The following CNTN3 variants were observed in gnomAD, a reference collection of about 807,000 sequenced individuals.
CNTN3 encodes contactin-3.
A neutral mutation model predicts 119.1 loss-of-function variants in CNTN3; 60 were observed. That is an observed-to-expected ratio of 0.50 (90% CI 0.41 to 0.62). CNTN3 has a LOEUF of 0.62. CNTN3 is among the 20% of genes least tolerant of loss of function. CNTN3 has a pLI of 0.00. For missense variants in CNTN3, 1,101 were observed against 1,242.4 expected, an observed-to-expected ratio of 0.89 and a Z score of 1.71; for synonymous variants, 450 against 438.7, an observed-to-expected ratio of 1.03 and a Z score of -0.32.
intron 1 of CNTN3, among the ~76,000 whole-genome samples, chr3:74,606,678 A>ATGGCAC (rs1412342348): frequency 6.6e-6 from 1 of 152,178 alleles, no homozygotes; most frequent in Admixed American, 6.5e-5. Context: ...ACAGACAATT[A>ATGGCAC]TGGCACTATC....
intron 5 of CNTN3, among the ~76,000 whole-genome samples, chr3:74,374,958 C>T (rs1471183498): frequency 6.6e-6 from 1 of 152,028 alleles, no homozygotes; most frequent in Non-Finnish European, 1.5e-5. Context: ...TAAAACTGTC[C>T]AGAAAATACA....
chr3:74,292,781 T>A (rs913347760), intron 19 of CNTN3, among the ~76,000 whole-genome samples: 5 of 152,182 alleles, frequency 3.3e-5, no homozygotes, highest in Admixed American at 3.3e-4. Flanking sequence ...GGGACTGGCC[T>A]CAGAGCCACA....
chr3:74,532,791 A>G (rs1001931954), intron 1 of CNTN3, among the ~76,000 whole-genome samples: 7 of 152,016 alleles, frequency 4.6e-5, no homozygotes, highest in Non-Finnish European at 1.0e-4. Flanking sequence ...GGTAACTGAA[A>G]CCACAGAAAA....
chr3:74,475,005 C>T (rs1420849378), intron 4 of CNTN3, among the ~76,000 whole-genome samples: 1 of 152,154 alleles, frequency 6.6e-6, no homozygotes, highest in African/African-American at 2.4e-5. Flanking sequence ...ATGCCAGCAT[C>T]ATACTTCCTG....
At position 74,416,943 on chromosome 3, in the gene CNTN3, G is replaced by A. The variant is rs550516577; in HGVS notation, c.454+7902C>T. Among the ~76,000 whole-genome samples, 6 of 151,612 alleles carry A rather than the reference G, an allele frequency of 4.0e-5. No individual in the cohort carries two copies. The South Asian group carries it at 1.3e-3, about 32-fold the overall frequency. Reference sequence around the variant, plus strand: ...GTGGAGGTTGCAGTGAGCCAAGATTGTGCCACTGCACTCCAGCCTGGGTGA... The same window carrying A: ...GTGGAGGTTGCAGTGAGCCAAGATTATGCCACTGCACTCCAGCCTGGGTGA... On this transcript the variant is annotated intron_variant, in intron 5 of 22. Coordinates refer to ENST00000263665, the MANE Select transcript of CNTN3 (RefSeq NM_020872.3).
rs146983383 is a variant in CNTN3 at position 74,541,492 on chromosome 3, ATAGAG to A, written c.-80-20305_-80-20301del. On this transcript the variant is annotated intron_variant, in intron 1 of 22. Coordinates refer to ENST00000263665, the MANE Select transcript of CNTN3 (RefSeq NM_020872.3). ...AATTGAAAAAGTACACTGCAGAAGA[ATAGAG>A]TATATTATTTATATAAAATACAAAA... is the stretch of plus-strand genomic sequence containing the variant. Among the ~76,000 whole-genome samples, 735 of 152,304 alleles carry A rather than the reference ATAGAG, an allele frequency of 4.8e-3. 5 individuals are homozygous for A. The highest frequency in any genetic ancestry group is 0.017 in the African/African-American group (700 of 41,554).
chr3:74,547,353 T>C (rs1448614505), intron 1 of CNTN3, among the ~76,000 whole-genome samples: 1 of 152,210 alleles, frequency 6.6e-6, no homozygotes, highest in Non-Finnish European at 1.5e-5. Flanking sequence ...TTTTCCAATG[T>C]TTCGATAGCC....
At chr3:74,567,415 C>A (rs1170935540) in intron 1 of CNTN3, among the ~76,000 whole-genome samples, 1 of 148,758 alleles carries the variant, frequency 6.7e-6, no homozygotes, top group East Asian at 2.0e-4. Flanking sequence ...CCACCTTGGG[C>A]TCCCAAAGTG....
intron 5 of CNTN3, among the ~76,000 whole-genome samples, chr3:74,389,724 C>T (rs2106826141): frequency 2.0e-5 from 3 of 152,204 alleles, no homozygotes; most frequent in Admixed American, 2.0e-4. Flanking sequence ...AGGGTCTGAA[C>T]CCAGCGTAAT....
intron 1 of CNTN3, among the ~76,000 whole-genome samples, chr3:74,562,600 T>C (rs1317888142): frequency 6.6e-6 from 1 of 152,156 alleles, no homozygotes; most frequent in African/African-American, 2.4e-5. Flanking sequence ...AATGAGTTCA[T>C]GGTAGGCCTG....
At chr3:74,602,559 G>A (rs1282909339) in intron 1 of CNTN3, among the ~76,000 whole-genome samples, 2 of 151,986 alleles carry the variant, frequency 1.3e-5, no homozygotes, top group Admixed American at 6.6e-5. Flanking sequence ...GCCATAAGCT[G>A]TAGAGACTAT....
intron 3 of CNTN3, among the ~76,000 whole-genome samples, chr3:74,489,929 G>C (rs1702931939): frequency 6.6e-6 from 1 of 152,160 alleles, no homozygotes. Flanking sequence ...ATCATGGTTA[G>C]TATGGGAGGA....
chr3:74,488,370 C>G (rs1006392905), intron 3 of CNTN3, among the ~76,000 whole-genome samples: 3 of 152,124 alleles, frequency 2.0e-5, no homozygotes, highest in Non-Finnish European at 4.4e-5. Flanking sequence ...AGCTCGGCCT[C>G]CCAAAGTGCT....
chr3:74,476,424 A>G (rs1702656635), intron 4 of CNTN3, among the ~76,000 whole-genome samples: 1 of 152,180 alleles, frequency 6.6e-6, no homozygotes, highest in African/African-American at 2.4e-5. Context: ...TGGCAGCAGC[A>G]ATAACAGCTG....
intron 5 of CNTN3, among the ~76,000 whole-genome samples, chr3:74,385,777 A>G (rs1230395807): frequency 6.6e-6 from 1 of 152,256 alleles, no homozygotes; most frequent in African/African-American, 2.4e-5. Flanking sequence ...TCTATATTAT[A>G]AAATATGTAT....
intron 5 of CNTN3, among the ~76,000 whole-genome samples, chr3:74,407,770 A>AAT (rs577569756): frequency 3.3e-4 from 50 of 152,228 alleles, no homozygotes; most frequent in South Asian, 8.3e-4. Context: ...GTACCCCACA[A>AAT]ATATATATAA....
At position 74,590,407 on chromosome 3, in the gene CNTN3, G is replaced by T. The variant is rs551128004; in HGVS notation, c.-81+23984C>A. ...TTTTAAGCAGACAATGGACCAAATG[G>T]TAAACTTTAAGCACAGATTAGCATT... On this transcript the variant is annotated intron_variant, in intron 1 of 22. Transcript: ENST00000263665. Among the ~76,000 whole-genome samples, 6 of 152,094 alleles carry T rather than the reference G, an allele frequency of 3.9e-5. No homozygotes were observed. In the South Asian group the frequency reaches 1.2e-3, roughly 32 times the overall value.
intron 8 of CNTN3, among the ~76,000 whole-genome samples, 175 bp downstream of exon 8, chr3:74,369,014 T>C (rs927188016): frequency 1.2e-4 from 18 of 152,166 alleles, no homozygotes; most frequent in African/African-American, 4.3e-4. Context: ...ATTACAAAAA[T>C]TTATTTCTTT....
chr3:74,553,505 C>T (rs1002635984), intron 1 of CNTN3, among the ~76,000 whole-genome samples: 5 of 152,142 alleles, frequency 3.3e-5, no homozygotes, highest in African/African-American at 7.2e-5. Flanking sequence ...CTTGAGGAAT[C>T]GCCACTCTGT....
Sources: gnomAD v4.1 joint callset for allele counts (sites outside exome capture counted in the v4.1 genomes callset) on GRCh38, gnomAD v4.1.1 for gene constraint, MANE v1.5 for transcripts, NCBI Gene and HGNC (gene_info 2026-07-23, HGNC 2026-07-21) for gene names.